Variants in DYNC1I1 observed in about 807,000 individuals in gnomAD.
DYNC1I1 encodes the protein dynein cytoplasmic 1 intermediate chain 1, also known as cytoplasmic dynein 1 intermediate chain 1.
A neutral mutation model predicts 86.6 loss-of-function variants in DYNC1I1; 43 were observed. That is an observed-to-expected ratio of 0.50 (90% CI 0.39 to 0.64). The LOEUF is 0.64. Among genes scored for constraint, DYNC1I1 ranks in the 30% least tolerant of loss-of-function variants. The pLI, the probability that DYNC1I1 is intolerant of heterozygous loss-of-function variation, is 0.00. For missense variants in DYNC1I1, 604 were observed against 788.8 expected, an observed-to-expected ratio of 0.77 and a Z score of 2.81; for synonymous variants, 262 against 283.7, an observed-to-expected ratio of 0.92 and a Z score of 0.77.
intron 6 of DYNC1I1, among the ~76,000 whole-genome samples, chr7:95,932,798 C>T (rs898620337): frequency 6.6e-6 from 1 of 151,972 alleles, no homozygotes; most frequent in Admixed American, 6.6e-5. Context: ...CTGATTTTTA[C>T]AACTCAGAAG....
intron 15 of DYNC1I1, among the ~76,000 whole-genome samples, chr7:96,077,239 T>TTGTGTGTGTGTGTGTG (rs3047672): frequency 1.4e-5 from 2 of 144,434 alleles, no homozygotes; most frequent in African/African-American, 5.2e-5. Context: ...TCCCTAGTAT[T>TTGTGTGTGTGTGTGTG]TGTGTGTGTG....
At chr7:96,098,570 C>T (rs1791079180), downstream of DYNC1I1, 1 of 406,716 alleles carries the variant, frequency 2.5e-6, no homozygotes, top group South Asian at 1.0e-4. Context: ...GGACTTAAAC[C>T]AAGACTCCTA....
chr7:95,834,148 A>G (rs1409574466), intron 5 of DYNC1I1, among the ~76,000 whole-genome samples: 1 of 62,084 alleles, frequency 1.6e-5, no homozygotes. Flanking sequence ...ACGTCCCATC[A>G]ATACCTAATT....
At chr7:95,777,387 A>C (rs915430970) in intron 1 of DYNC1I1, among the ~76,000 whole-genome samples, 3 of 152,154 alleles carry the variant, frequency 2.0e-5, no homozygotes, top group Non-Finnish European at 4.4e-5. Flanking sequence ...TGCAAAGATG[A>C]ATTTACTTTA....
At chr7:95,917,046 A>T (rs912905482) in intron 6 of DYNC1I1, among the ~76,000 whole-genome samples, 1 of 152,076 alleles carries the variant, frequency 6.6e-6, no homozygotes, top group Non-Finnish European at 1.5e-5. Flanking sequence ...TGATTATCTA[A>T]TTTTTCCATC....
chr7:95,986,355 A>T (rs958188684), intron 8 of DYNC1I1, among the ~76,000 whole-genome samples: 6 of 152,180 alleles, frequency 3.9e-5, no homozygotes, highest in African/African-American at 1.4e-4. Flanking sequence ...GTAAATACTC[A>T]GCTTGTGGAG....
At chr7:95,942,232 T>C (rs1032612292) in intron 6 of DYNC1I1, among the ~76,000 whole-genome samples, 3 of 152,130 alleles carry the variant, frequency 2.0e-5, no homozygotes, top group Non-Finnish European at 4.4e-5. Context: ...CATCCGAGAA[T>C]ACTACAAACA....
intron 4 of DYNC1I1, among the ~76,000 whole-genome samples, chr7:95,813,626 G>A (rs1794883240): frequency 6.6e-6 from 1 of 152,040 alleles, no homozygotes; most frequent in Non-Finnish European, 1.5e-5. Flanking sequence ...AAAAAGGCAG[G>A]GAGAAGCCTT....
intron 6 of DYNC1I1, among the ~76,000 whole-genome samples, chr7:95,953,854 T>C (rs1792626827): frequency 6.6e-6 from 1 of 152,212 alleles, no homozygotes; most frequent in South Asian, 2.1e-4. Context: ...TTTCCTATTA[T>C]AAATCTGCTG....
intron 10 of DYNC1I1, among the ~76,000 whole-genome samples, chr7:96,010,409 T>C (rs1023364227): frequency 1.3e-5 from 2 of 152,076 alleles, no homozygotes; most frequent in African/African-American, 4.8e-5. Context: ...ATCCTGCAAA[T>C]GTTTGGGGAT....
chr7:95,822,920 T>A (rs1188887332), intron 4 of DYNC1I1, among the ~76,000 whole-genome samples: 3 of 152,100 alleles, frequency 2.0e-5, no homozygotes, highest in Non-Finnish European at 2.9e-5. Flanking sequence ...GTGAGGATGA[T>A]GTCTGGTCTT....
chr7:96,057,991 C>T (rs1056953651), intron 14 of DYNC1I1, among the ~76,000 whole-genome samples: 1 of 152,188 alleles, frequency 6.6e-6, no homozygotes, highest in African/African-American at 2.4e-5. Context: ...TTATTGATGT[C>T]TCTGACTACT....
intron 4 of DYNC1I1, among the ~76,000 whole-genome samples, chr7:95,816,766 G>C (rs985622374): frequency 6.6e-6 from 1 of 152,144 alleles, no homozygotes; most frequent in African/African-American, 2.4e-5. Context: ...ATAGGAAAAT[G>C]TCTTACCATA....
intron 7 of DYNC1I1, among the ~76,000 whole-genome samples, chr7:95,983,373 T>A (rs1793502778): frequency 6.6e-6 from 1 of 152,170 alleles, no homozygotes; most frequent in South Asian, 2.1e-4. Context: ...TCTGCTATAA[T>A]GGATGAATCA....
chr7:95,840,808 T>C (rs1789260790), intron 5 of DYNC1I1, among the ~76,000 whole-genome samples: 1 of 152,182 alleles, frequency 6.6e-6, no homozygotes, highest in African/African-American at 2.4e-5. Context: ...TGCTAAACCC[T>C]AAGAGAGTCC....
chr7:95,885,360 A>G (rs958908093), intron 6 of DYNC1I1, among the ~76,000 whole-genome samples: 1 of 152,112 alleles, frequency 6.6e-6, no homozygotes, highest in Non-Finnish European at 1.5e-5. Flanking sequence ...TATTTTTAGC[A>G]GAGATGGGGT....
intron 9 of DYNC1I1, among the ~76,000 whole-genome samples, chr7:95,994,775 A>G (rs75509125): frequency 0.014 from 2,068 of 152,340 alleles, 41 homozygotes; most frequent in African/African-American, 0.048. Flanking sequence ...AGTCTTCCTG[A>G]TAAAGGATGG....
chr7:95,912,078 C>T (rs1325842216), intron 6 of DYNC1I1, among the ~76,000 whole-genome samples: 1 of 152,052 alleles, frequency 6.6e-6, no homozygotes, highest in Non-Finnish European at 1.5e-5. Flanking sequence ...GCTCTGTTGC[C>T]TGGGCTGGAG....
chr7:95,782,650 G>T (rs938657585), intron 1 of DYNC1I1, among the ~76,000 whole-genome samples: 1 of 152,192 alleles, frequency 6.6e-6, no homozygotes, highest in African/African-American at 2.4e-5. Flanking sequence ...ACCAGCTTGT[G>T]CAGAGATAAG....
Sources: allele counts gnomAD v4.1 joint callset (sites outside exome capture counted in the v4.1 genomes callset), GRCh38; gene constraint gnomAD v4.1.1; transcripts MANE v1.5; gene names NCBI Gene and HGNC (gene_info 2026-07-23, HGNC 2026-07-21).